NLN: variants seen among roughly 807,000 people sequenced by gnomAD.
NLN encodes the protein neurolysin, mitochondrial.
NLN carries 64 observed loss-of-function variants against 79.9 expected under a neutral mutation model. The ratio of observed to expected loss-of-function variants is 0.80; its 90% confidence interval spans 0.65 to 0.99. The LOEUF (loss-of-function observed/expected upper bound fraction) is 0.99. Ranked by LOEUF, NLN falls within the 50% of genes least tolerant of loss-of-function variation. The probability of loss-of-function intolerance (pLI) is 0.00; values close to 1 mark genes in which losing one functional copy is unlikely to be tolerated. For synonymous variants in NLN, 267 were observed against 296.6 expected (o/e 0.90, Z 1.02); for missense variants, 835 against 858.7 (o/e 0.97, Z 0.34).
At chr5:65,784,322 A>C (rs114637157) in intron 6 of NLN, among the ~76,000 whole-genome samples, 3,470 of 152,314 alleles carry the variant, frequency 0.023, 132 homozygotes, top group African/African-American at 0.081. Flanking sequence ...AAAATATAAA[A>C]GATATTTGTA....
intron 9 of NLN, among the ~76,000 whole-genome samples, chr5:65,801,899 C>T (rs13174125): frequency 6.6e-6 from 1 of 152,186 alleles, no homozygotes; most frequent in Non-Finnish European, 1.5e-5. Context: ...GGTTGACTTC[C>T]TCCCTCATAT....
intron 10 of NLN, 113 bp from the exon 11 acceptor site, chr5:65,809,924 C>A: frequency 8.2e-7 from 1 of 1,220,346 alleles, no homozygotes; most frequent in Non-Finnish European, 1.2e-6. Flanking sequence ...AGATGTCCTG[C>A]TCCCATTTTG....
chr5:65,739,484 T>C (rs2561222), intron 1 of NLN, among the ~76,000 whole-genome samples: 35,983 of 152,104 alleles, frequency 0.24, 4,392 homozygotes, highest in African/African-American at 0.27. Context: ...CATGAGAGTG[T>C]GGATATCTCT....
At chr5:65,807,507 C>CTTGG (rs1760442425) in intron 9 of NLN, among the ~76,000 whole-genome samples, 1 of 151,624 alleles carries the variant, frequency 6.6e-6, no homozygotes, top group East Asian at 1.9e-4. Flanking sequence ...CTGGTGCTAT[C>CTTGG]TTGGCTCACT....
At chr5:65,775,727 C>T (rs1759666391) in intron 3 of NLN, among the ~76,000 whole-genome samples, 2 of 152,228 alleles carry the variant, frequency 1.3e-5, no homozygotes, top group African/African-American at 4.8e-5. Flanking sequence ...GCCCAGTTAT[C>T]TCCCTGGCCA....
chr5:65,808,070 G>T (rs1760456687), intron 9 of NLN, among the ~76,000 whole-genome samples: 1 of 152,108 alleles, frequency 6.6e-6, no homozygotes, highest in South Asian at 2.1e-4. Context: ...TTCCCTGCAA[G>T]ATTTTTTTTA....
At chr5:65,737,015 G>T (rs1758742237) in intron 1 of NLN, among the ~76,000 whole-genome samples, 1 of 152,148 alleles carries the variant, frequency 6.6e-6, no homozygotes, top group Non-Finnish European at 1.5e-5. Flanking sequence ...TAAGGTGGGA[G>T]GATTGCTTGA....
At chr5:65,758,961 A>G in intron 2 of NLN, 135 bp downstream of exon 2, 2 of 820,270 alleles carry the variant, frequency 2.4e-6, no homozygotes, top group Non-Finnish European at 3.8e-6. Context: ...GAATTATCTA[A>G]GATTTTAAAA....
At chr5:65,750,202 A>G (rs1759073880) in intron 1 of NLN, among the ~76,000 whole-genome samples, 1 of 152,238 alleles carries the variant, frequency 6.6e-6, no homozygotes, top group South Asian at 2.1e-4. Context: ...TGGCGAAAAC[A>G]TTCTCTATCT....
intron 1 of NLN, chr5:65,740,754 T>C (rs574585990): frequency 2.6e-5 from 4 of 151,388 alleles, no homozygotes; most frequent in African/African-American, 9.7e-5. Context: ...TCTAGGCTGT[T>C]CCATCAGCTA....
Position 65,810,121 on chromosome 5 carries a change from A to G in NLN, c.1799A>G (p.Tyr600Cys). Residue 600 changes from tyrosine (Y) to cysteine (C), a missense_variant, in exon 11 of 13, where the codon TAT becomes TGT. Tyr to Cys is a radical substitution (Grantham distance 194). Coordinates refer to ENST00000380985, the MANE Select transcript of NLN (RefSeq NM_020726.5). Reference sequence around the variant, plus strand: ...ACATCGCTGGATGCTGCAAGTGAATATGCCAAATACTGCTCAGAAATATTA... The same window carrying G: ...ACATCGCTGGATGCTGCAAGTGAATGTGCCAAATACTGCTCAGAAATATTA... ...TNTSLDAASEYAKYCSEILGV... is the reference protein window; with the variant it reads ...TNTSLDAASECAKYCSEILGV... The G allele has an allele frequency of 6.2e-7, 1 of 1,613,982 alleles. No individual in the cohort carries two copies. The highest frequency in any genetic ancestry group is 1.1e-5 in the South Asian group (1 of 91,076).
At chr5:65,764,118 AT>A (rs1272302464) in intron 3 of NLN, among the ~76,000 whole-genome samples, 3 of 151,476 alleles carry the variant, frequency 2.0e-5, no homozygotes, top group Non-Finnish European at 4.4e-5. Flanking sequence ...TTGTTGTTCT[AT>A]TTTTTTTATG....
At chr5:65,773,041 C>T (rs1383974519) in intron 3 of NLN, among the ~76,000 whole-genome samples, 3 of 151,806 alleles carry the variant, frequency 2.0e-5, no homozygotes, top group African/African-American at 7.3e-5. Context: ...CAGCCTGAAC[C>T]ACCTGGGCTC....
chr5:65,722,895 C>G (rs1241647224), intron 1 of NLN: 1 of 153,986 alleles, frequency 6.5e-6, no homozygotes, highest in Non-Finnish European at 1.4e-5. Context: ...TCCATGCTCT[C>G]TGACTTCCTT....
chr5:65,772,441 T>G (rs1759588438), intron 3 of NLN, among the ~76,000 whole-genome samples: 2 of 152,292 alleles, frequency 1.3e-5, no homozygotes, highest in South Asian at 2.1e-4. Context: ...ACAGAAGCAG[T>G]GAATCTTGCG....
At chr5:65,725,293 A>G (rs2150730493) in intron 1 of NLN, among the ~76,000 whole-genome samples, 1 of 152,358 alleles carries the variant, frequency 6.6e-6, no homozygotes, top group Non-Finnish European at 1.5e-5. Context: ...AAAGATAATC[A>G]TGGATGTTCT....
At chr5:65,737,780 A>G (rs1000977117) in intron 1 of NLN, among the ~76,000 whole-genome samples, 7 of 152,210 alleles carry the variant, frequency 4.6e-5, no homozygotes, top group Non-Finnish European at 7.3e-5. Flanking sequence ...ATTTAGATTT[A>G]GTCATTTTAT....
intron 9 of NLN, among the ~76,000 whole-genome samples, chr5:65,806,110 T>C (rs1295820264): frequency 6.6e-6 from 1 of 152,164 alleles, no homozygotes; most frequent in Admixed American, 6.5e-5. Context: ...TTTCAAAATA[T>C]TACCACTCCT....
intron 3 of NLN, among the ~76,000 whole-genome samples, chr5:65,767,349 GC>G (rs1381901073): frequency 1.3e-5 from 2 of 152,296 alleles, no homozygotes; most frequent in East Asian, 3.9e-4. Flanking sequence ...AACCACCAAG[GC>G]TTGGGGCTTG....
Sources: gnomAD v4.1 joint callset for allele counts (sites outside exome capture counted in the v4.1 genomes callset) on GRCh38, gnomAD v4.1.1 for gene constraint, MANE v1.5 for transcripts, NCBI Gene and HGNC (gene_info 2026-07-23, HGNC 2026-07-21) for gene names.